The following LYRM4 variants were observed in gnomAD, a reference collection of about 807,000 sequenced individuals.
The protein encoded by LYRM4 is LYR motif containing 4, also known as LYR motif-containing protein 4.
A neutral mutation model predicts 11.7 loss-of-function variants in LYRM4; 9 were observed. That is an observed-to-expected ratio of 0.77 (90% CI 0.46 to 1.34). The LOEUF (loss-of-function observed/expected upper bound fraction) is 1.34. Ranked by LOEUF, LYRM4 falls within the 40% of genes most tolerant of loss-of-function variation. The pLI is 0.00. For missense variants in LYRM4, 133 were observed against 112.5 expected, an observed-to-expected ratio of 1.18 and a Z score of -0.82; for synonymous variants, 42 against 40.4, an observed-to-expected ratio of 1.04 and a Z score of -0.15.
the LYRM4 span, chr6:5,042,426 G>C: frequency 6.6e-6 from 1 of 152,468 alleles, no homozygotes; most frequent in Non-Finnish European, 1.5e-5. Flanking sequence ...TGGCTGCTGT[G>C]TTCTGTTCAT....
intron 1 of LYRM4, among the ~76,000 whole-genome samples, chr6:5,224,232 G>A (rs1309273372): frequency 6.6e-6 from 1 of 152,182 alleles, no homozygotes; most frequent in African/African-American, 2.4e-5. Context: ...TAAGACCACA[G>A]TAAATAAATT....
intron 2 of LYRM4, among the ~76,000 whole-genome samples, chr6:5,207,841 GC>G (rs1292125596): frequency 3.3e-5 from 5 of 152,206 alleles, no homozygotes; most frequent in African/African-American, 1.2e-4. Flanking sequence ...CAGAGGGTAA[GC>G]TGTTACCTTC....
At chr6:5,258,984 A>G (rs1764808358) in intron 1 of LYRM4, among the ~76,000 whole-genome samples, 1 of 152,232 alleles carries the variant, frequency 6.6e-6, no homozygotes, top group Admixed American at 6.5e-5. Flanking sequence ...ATCATTTCCA[A>G]AGAGAATTTC....
chr6:5,159,080 G>C (rs1362835217), intron 2 of LYRM4, among the ~76,000 whole-genome samples: 1 of 152,218 alleles, frequency 6.6e-6, no homozygotes, highest in Non-Finnish European at 1.5e-5. Context: ...TCGGGGAAAG[G>C]CATGACCAGA....
chr6:5,212,657 A>C (rs1449089967), intron 2 of LYRM4, among the ~76,000 whole-genome samples: 1 of 152,218 alleles, frequency 6.6e-6, no homozygotes. Context: ...GCTTTACAGA[A>C]TCATCTTATA....
chr6:5,055,009 TCA>T, the LYRM4 span, among the ~76,000 whole-genome samples: 1 of 152,142 alleles, frequency 6.6e-6, no homozygotes, highest in African/African-American at 2.4e-5. This position sits in a 1 kb window ranked among gnomAD's most constrained non-coding sequence, Gnocchi z 4.5. Context: ...CCTTTTAGGG[TCA>T]GACAAGAGAC....
At chr6:5,130,413 G>C (rs1045194461) in intron 2 of LYRM4, among the ~76,000 whole-genome samples, 10 of 152,228 alleles carry the variant, frequency 6.6e-5, no homozygotes, top group Non-Finnish European at 1.3e-4. Context: ...GGGGACCTGG[G>C]AACAGGGAGA....
chr6:5,245,166 A>G (rs1321380209), intron 1 of LYRM4, among the ~76,000 whole-genome samples: 2 of 104,164 alleles, frequency 1.9e-5, no homozygotes, highest in African/African-American at 3.4e-5. Context: ...ATATATATAA[A>G]ATAGGTGAAT....
chr6:5,093,160 A>T, the LYRM4 span, among the ~76,000 whole-genome samples: 1 of 152,248 alleles, frequency 6.6e-6, no homozygotes, highest in African/African-American at 2.4e-5. Context: ...TTGTAACCAG[A>T]ATCCTGAGTT....
intron 1 of LYRM4, among the ~76,000 whole-genome samples, chr6:5,229,916 C>T (rs1203283180): frequency 6.6e-6 from 1 of 152,194 alleles, no homozygotes; most frequent in Non-Finnish European, 1.5e-5. Flanking sequence ...TGCTTAATAA[C>T]ATTTAAGATC....
the LYRM4 span, among the ~76,000 whole-genome samples, chr6:5,040,549 A>AG: frequency 5.3e-5 from 8 of 151,884 alleles, no homozygotes; most frequent in Admixed American, 3.9e-4. Context: ...AAGAAAAAAA[A>AG]AAGAAGAAAT....
At chr6:5,142,822 T>C (rs1247863574) in intron 2 of LYRM4, among the ~76,000 whole-genome samples, 1 of 152,222 alleles carries the variant, frequency 6.6e-6, no homozygotes, top group Non-Finnish European at 1.5e-5. Context: ...ATGCTTTCCC[T>C]ACGCTGCCTC....
the LYRM4 span, among the ~76,000 whole-genome samples, chr6:5,045,778 C>T: frequency 2.0e-5 from 3 of 151,462 alleles, no homozygotes; most frequent in Non-Finnish European, 4.4e-5. Flanking sequence ...ATTTTCCTGC[C>T]GAAAAGAGGT....
chr6:5,150,203 G>A (rs999905643), intron 2 of LYRM4, among the ~76,000 whole-genome samples: 3 of 152,232 alleles, frequency 2.0e-5, no homozygotes, highest in African/African-American at 7.2e-5. Context: ...TGAACCAGGT[G>A]TACATTATTT....
chr6:5,085,919 T>G, the LYRM4 span: 3 of 1,529,914 alleles, frequency 2.0e-6, no homozygotes, highest in South Asian at 1.2e-5. Flanking sequence ...CTGGCCAGCG[T>G]GAAGCACTTC....
chr6:5,060,364 G>T, the LYRM4 span, among the ~76,000 whole-genome samples: 1 of 152,124 alleles, frequency 6.6e-6, no homozygotes, highest in African/African-American at 2.4e-5. Context: ...TTTTAAGCAG[G>T]TACATTACTG....
chr6:5,245,110 AAAAATATATATATATATATATAT>A lies in LYRM4; in HGVS notation c.86+15515_86+15537del, dbSNP rs1437267326. 5.1e-3 allele frequency among the ~76,000 whole-genome samples: 190 copies of A among 36,922 alleles called. 5 individuals carry two copies. Among genetic ancestry groups the A allele is most frequent in the African/African-American group, 0.022 (168 of 7,762 alleles). The allele number at this position is 36,922 out of a possible 152,430, so 24.2% of individuals were successfully genotyped here. A position where few individuals can be genotyped will look rare whatever the true frequency, so the allele number is the denominator to read the frequency against. On this transcript the variant is annotated intron_variant, in intron 1 of 2. Coordinates refer to ENST00000330636, the MANE Select transcript of LYRM4 (RefSeq NM_020408.6). Reference sequence around the variant, plus strand: ...ACCTTAAAAAAAAAAAAAAAAAAAAAAAAATATATATATATATATATATATATATATATATATATATATATATA... The same window carrying A: ...ACCTTAAAAAAAAAAAAAAAAAAAAAATATATATATATATATATATATATA...
chr6:5,179,075 A>C (rs1472967907), intron 2 of LYRM4, among the ~76,000 whole-genome samples: 32 of 61,364 alleles, frequency 5.2e-4, no homozygotes, highest in East Asian at 1.2e-3. Context: ...CAAAAAAAAA[A>C]AAAAAAAAAA....
the LYRM4 span, among the ~76,000 whole-genome samples, chr6:5,096,018 C>A: frequency 2.0e-5 from 3 of 152,094 alleles, no homozygotes; most frequent in African/African-American, 7.2e-5. Context: ...AAACAAACCC[C>A]GAGTATTATG....
Sources: gnomAD v4.1 joint callset for allele counts (sites outside exome capture counted in the v4.1 genomes callset) on GRCh38, gnomAD v4.1.1 for gene constraint, Gnocchi (gnomAD v3.1) non-coding constraint, MANE v1.5 for transcripts, NCBI Gene and HGNC (gene_info 2026-07-23, HGNC 2026-07-21) for gene names.